The following SCAPER variants were observed in gnomAD, a reference collection of about 807,000 sequenced individuals.
The protein encoded by SCAPER is S phase cyclin A-associated protein in the endoplasmic reticulum.
In SCAPER, 98 loss-of-function variants were observed where a neutral mutation model predicts 182.2. The observed-to-expected ratio is 0.54, with a 90% CI of 0.46 to 0.64. The LOEUF (loss-of-function observed/expected upper bound fraction) is 0.64, where lower values mean the gene tolerates loss of function less well. Among genes scored for constraint, SCAPER ranks in the 30% least tolerant of loss-of-function variants. The pLI, the probability that SCAPER is intolerant of heterozygous loss-of-function variation, is 0.00. For missense variants in SCAPER, 1,432 were observed against 1,690.0 expected, an observed-to-expected ratio of 0.85 and a Z score of 2.68; for synonymous variants, 605 against 564.6, an observed-to-expected ratio of 1.07 and a Z score of -1.01.
intron 25 of SCAPER, among the ~76,000 whole-genome samples, chr15:76,462,576 T>G (rs937074081): frequency 2.0e-5 from 3 of 152,130 alleles, no homozygotes; most frequent in Non-Finnish European, 2.9e-5. Flanking sequence ...AATAATTTTG[T>G]TTGCTTTATC....
intron 25 of SCAPER, among the ~76,000 whole-genome samples, chr15:76,443,932 C>G (rs1246558756): frequency 6.6e-6 from 1 of 152,182 alleles, no homozygotes; most frequent in Non-Finnish European, 1.5e-5. Flanking sequence ...GCGGACCAGT[C>G]AAGAGCAAAG....
chr15:76,558,957 A>G (rs2046389584), intron 23 of SCAPER, among the ~76,000 whole-genome samples: 1 of 152,094 alleles, frequency 6.6e-6, no homozygotes, highest in Non-Finnish European at 1.5e-5. Context: ...GTCAAGGGAG[A>G]GGCCAGGTGG....
Position 76,836,586 on chromosome 15 carries a change from T to C in SCAPER, c.393+5148A>G, listed in dbSNP as rs573196662. Among the ~76,000 whole-genome samples the C allele has an allele frequency of 3.1e-4, 47 of 152,122 alleles. 1 individual carries two copies. Among genetic ancestry groups the C allele is most frequent in the African/African-American group, 1.1e-3 (45 of 41,508 alleles). The stretch of plus-strand genomic sequence containing the variant: ...AACTCAAAATGGATTTAAAAAGTAA[T>C]TGTAGGCTGGGCACGGTGGCTCACA... On this transcript the variant is annotated intron_variant, in intron 5 of 31. Coordinates refer to ENST00000563290, the MANE Select transcript of SCAPER (RefSeq NM_020843.4).
At chr15:76,486,867 G>A (rs1017411756) in intron 24 of SCAPER, among the ~76,000 whole-genome samples, 5 of 152,126 alleles carry the variant, frequency 3.3e-5, no homozygotes, top group African/African-American at 4.8e-5. Context: ...ATATAAATTG[G>A]TCTATTGGAA....
intron 14 of SCAPER, among the ~76,000 whole-genome samples, chr15:76,756,591 T>C (rs141434116): frequency 6.1e-4 from 93 of 151,906 alleles, no homozygotes; most frequent in East Asian, 3.7e-3. Flanking sequence ...AAAAAAACAA[T>C]AGAAGAATCA....
At chr15:76,738,280 G>A (rs763896485) in intron 15 of SCAPER, among the ~76,000 whole-genome samples, 8 of 152,064 alleles carry the variant, frequency 5.3e-5, no homozygotes, top group Admixed American at 4.6e-4. Context: ...AAGCATGTGC[G>A]ACCACATCTG....
chr15:76,790,625 A>C (rs1295246144), intron 8 of SCAPER, among the ~76,000 whole-genome samples: 2 of 152,136 alleles, frequency 1.3e-5, no homozygotes, highest in Non-Finnish European at 2.9e-5. Context: ...TGGTATCTCT[A>C]GCAATATCCT....
At position 76,800,857 on chromosome 15, in the gene SCAPER, G is replaced by A. The variant is rs74770489; in HGVS notation, c.495-493C>T. 7.9e-3 allele frequency among the ~76,000 whole-genome samples: 1,209 copies of A among 152,266 alleles called. 10 individuals carry two copies. Among genetic ancestry groups the A allele is most frequent in the African/African-American group, 0.028 (1,148 of 41,534 alleles). ...ACCTCTTAATCACTCACGAGAGTAGGATTTCACTGCTCTTTGCTGGGAAAG... is the reference window on the plus strand; with the variant it reads ...ACCTCTTAATCACTCACGAGAGTAGAATTTCACTGCTCTTTGCTGGGAAAG... On this transcript the variant is annotated intron_variant, in intron 6 of 31. Transcript: ENST00000563290.
At chr15:76,848,157 T>C (rs1187211492) in intron 4 of SCAPER, among the ~76,000 whole-genome samples, 3 of 150,878 alleles carry the variant, frequency 2.0e-5, no homozygotes, top group African/African-American at 4.9e-5. Flanking sequence ...ACAGCCATCA[T>C]GCCTGGCTAA....
At chr15:76,725,961 TAA>T (rs1390801565) in intron 17 of SCAPER, among the ~76,000 whole-genome samples, 2 of 147,304 alleles carry the variant, frequency 1.4e-5, no homozygotes, top group East Asian at 4.0e-4. Context: ...AAAAAAAAAG[TAA>T]AGGCAACAAA....
chr15:76,457,505 TATTTTAGAATCCTATTTTA>T (rs2048829235), intron 25 of SCAPER, among the ~76,000 whole-genome samples: 1 of 152,224 alleles, frequency 6.6e-6, no homozygotes, highest in Non-Finnish European at 1.5e-5. Flanking sequence ...TATCTGAATA[TATTTTAGAATCCTATTTTA>T]ATTTACCATT....
At position 76,765,056 on chromosome 15, in the gene SCAPER, T is replaced by C. The variant is rs1170840785; in HGVS notation, c.1630A>G (p.Lys544Glu). ...ATTTGTTTTTCTTCATGTTTCTTCTTAGATTCTGCAATTGTTCTATTAATA... is the reference window on the plus strand; with the variant it reads ...ATTTGTTTTTCTTCATGTTTCTTCTCAGATTCTGCAATTGTTCTATTAATA... ...PSRKRTIAESKKKHEEKQMKA... is the reference protein window; with the variant it reads ...PSRKRTIAESEKKHEEKQMKA... Residue 544 changes from lysine (K) to glutamate (E), a missense_variant, in exon 14 of 32, where the codon AAG becomes GAG. Physicochemically the swap from Lys to Glu is moderately conservative, Grantham distance 56. Coordinates refer to ENST00000563290, the MANE Select transcript of SCAPER (RefSeq NM_020843.4). 6.3e-7 allele frequency: 1 copy of C among 1,584,678 alleles called. No homozygotes were observed. The highest frequency in any genetic ancestry group is 1.8e-5 in the Admixed American group (1 of 55,812).
chr15:76,894,070 G>A (rs770151500), intron 1 of SCAPER, among the ~76,000 whole-genome samples: 14 of 152,274 alleles, frequency 9.2e-5, no homozygotes, highest in Middle Eastern at 3.4e-3. Flanking sequence ...GGCCAACATG[G>A]TGAAACCCCA....
At chr15:76,652,061 T>A (rs1323900476) in intron 21 of SCAPER, among the ~76,000 whole-genome samples, 1 of 150,118 alleles carries the variant, frequency 6.7e-6, no homozygotes, top group Non-Finnish European at 1.5e-5. Context: ...AAGCATTTGA[T>A]AAAATCCAAC....
intron 22 of SCAPER, among the ~76,000 whole-genome samples, chr15:76,611,524 A>G (rs909193409): frequency 1.3e-5 from 2 of 152,140 alleles, no homozygotes; most frequent in African/African-American, 4.8e-5. Context: ...TACTATTCCT[A>G]CTGCAACTAT....
chr15:76,553,435 G>A (rs1334990289), intron 23 of SCAPER, among the ~76,000 whole-genome samples: 1 of 152,224 alleles, frequency 6.6e-6, no homozygotes, highest in Non-Finnish European at 1.5e-5. Flanking sequence ...ATGTATGGAT[G>A]TTTCTGCCCC....
At chr15:76,896,652 T>C (rs2074446778) in intron 1 of SCAPER, among the ~76,000 whole-genome samples, 1 of 151,944 alleles carries the variant, frequency 6.6e-6, no homozygotes, top group Admixed American at 6.5e-5. Flanking sequence ...GGTTCATGCC[T>C]GTAACCCTAT....
intron 17 of SCAPER, among the ~76,000 whole-genome samples, chr15:76,719,432 CA>C (rs1436539210): frequency 2.0e-5 from 3 of 151,984 alleles, no homozygotes; most frequent in Non-Finnish European, 4.4e-5. Context: ...TCAGAGGATA[CA>C]AAACTGCAGA....
chr15:76,780,618 T>A (rs1263394038), intron 8 of SCAPER, among the ~76,000 whole-genome samples: 1 of 152,142 alleles, frequency 6.6e-6, no homozygotes, highest in Non-Finnish European at 1.5e-5. Context: ...GGAAGATACC[T>A]CCCTGTAGGG....
Sources: gnomAD v4.1 joint callset for allele counts (sites outside exome capture counted in the v4.1 genomes callset) on GRCh38, gnomAD v4.1.1 for gene constraint, MANE v1.5 for transcripts, NCBI Gene and HGNC (gene_info 2026-07-23, HGNC 2026-07-21) for gene names.